DMD: variants seen among roughly 807,000 people sequenced by gnomAD.
DMD encodes the protein mutant dystrophin.
Under a neutral mutation model 330.1 loss-of-function variants are expected in DMD, and 63 were observed. The observed-to-expected ratio is 0.19, with a 90% CI of 0.16 to 0.24. The LOEUF is 0.24. DMD is among the 10% of genes least tolerant of loss of function. DMD has a pLI of 1.00. For missense variants in DMD, 3,344 were observed against 2,684.1 expected (o/e 1.25, Z -5.43); for synonymous variants, 1,223 against 959.8 (o/e 1.27, Z -5.07).
chrX:33,114,766 A>C (rs2095368835), intron 1 of DMD, among the ~76,000 whole-genome samples: 3 of 112,279 alleles, frequency 2.7e-5, no homozygotes, highest in Non-Finnish European at 5.6e-5. Flanking sequence ...TGAAAGTAGA[A>C]TCTGTGCTTC....
intron 61 of DMD, among the ~76,000 whole-genome samples, chrX:31,337,158 C>T (rs1419020518): frequency 1.8e-5 from 2 of 109,729 alleles, no homozygotes; most frequent in Non-Finnish European, 3.8e-5. Flanking sequence ...CTCCTGACCT[C>T]GTGATCCGCC....
At chrX:32,887,375 T>G (rs916093214) in intron 2 of DMD, among the ~76,000 whole-genome samples, 1 of 109,430 alleles carries the variant, frequency 9.1e-6, no homozygotes, top group African/African-American at 3.3e-5. Flanking sequence ...AAAAGAAAAT[T>G]GGACCCTTAT....
chrX:31,223,920 G>A (rs1294498170), intron 63 of DMD, among the ~76,000 whole-genome samples: 2 of 112,291 alleles, frequency 1.8e-5, no homozygotes, highest in Non-Finnish European at 3.8e-5. Flanking sequence ...ATATTCTAAG[G>A]TACAATCATT....
intron 9 of DMD, among the ~76,000 whole-genome samples, chrX:32,689,879 A>G (rs2063147385): frequency 9.0e-6 from 1 of 110,920 alleles, no homozygotes; most frequent in Non-Finnish European, 1.9e-5. Flanking sequence ...TTAAACTCTC[A>G]ACAAACTAGG....
At chrX:32,766,921 A>G (rs888769458) in intron 7 of DMD, among the ~76,000 whole-genome samples, 3 of 111,450 alleles carry the variant, frequency 2.7e-5, no homozygotes, top group Non-Finnish European at 3.8e-5. Context: ...AAAGAGGCAT[A>G]TAAAATTTGC....
At chrX:31,933,357 A>G (rs930348042) in intron 45 of DMD, among the ~76,000 whole-genome samples, 11 of 111,990 alleles carry the variant, frequency 9.8e-5, no homozygotes, top group African/African-American at 3.6e-4. Context: ...GAAAGAGAAA[A>G]ACTGATTTAA....
intron 15 of DMD, among the ~76,000 whole-genome samples, chrX:32,571,843 T>C (rs2052457067): frequency 1.8e-5 from 2 of 110,801 alleles, no homozygotes; most frequent in African/African-American, 6.6e-5. Flanking sequence ...ACAAGTTTCA[T>C]TCATCACATC....
At position 32,438,407 on chromosome X, in the gene DMD, A is replaced by G. The variant is rs1239531993; in HGVS notation, c.3922-17T>C. ...TTCAAGTGACTGAAACACATTTGCA[A>G]TAATTACTATTTCTCCTTTTTTTTC... is the stretch of plus-strand genomic sequence containing the variant. On this transcript the variant is annotated splice_polypyrimidine_tract_variant and intron_variant, in intron 28 of 78. Transcript: ENST00000357033. The G allele has an allele frequency of 2.5e-6, 3 of 1,207,931 alleles. No homozygotes were observed. Among genetic ancestry groups the G allele is most frequent in the South Asian group, 1.8e-5 (1 of 56,850 alleles).
intron 1 of DMD, among the ~76,000 whole-genome samples, chrX:33,329,556 A>G (rs2054139765): frequency 8.9e-6 from 1 of 112,196 alleles, no homozygotes; most frequent in South Asian, 3.7e-4. Context: ...CATTTATATG[A>G]TGGCATACTA....
intron 12 of DMD, among the ~76,000 whole-genome samples, chrX:32,602,042 A>G (rs1165692410): frequency 2.7e-5 from 3 of 112,150 alleles, no homozygotes; most frequent in African/African-American, 6.5e-5. Flanking sequence ...AGAGAATGTG[A>G]TTTTTGAAAA....
At chrX:32,944,561 A>AT (rs765297080) in intron 2 of DMD, among the ~76,000 whole-genome samples, 38 of 106,043 alleles carry the variant, frequency 3.6e-4, no homozygotes, top group African/African-American at 7.2e-4. Context: ...ATATTTTGGG[A>AT]TTTTCTCTTT....
Position 32,212,113 on chromosome X carries a change from G to C in DMD, c.6438+4803C>G, listed in dbSNP as rs150889054. On this transcript the variant is annotated intron_variant, in intron 44 of 78. Transcript: ENST00000357033. The stretch of plus-strand genomic sequence containing the variant: ...CTTCATGGTGTTCAGCTTTTCCTTT[G>C]AAAACTCCCATTAACATTTCTTCTT... 6.3e-3 allele frequency among the ~76,000 whole-genome samples: 702 copies of C among 111,786 alleles called. 7 individuals carry two copies. The highest frequency in any genetic ancestry group is 0.022 in the African/African-American group (664 of 30,803).
At chrX:33,067,333 T>G (rs992770983) in intron 1 of DMD, among the ~76,000 whole-genome samples, 8 of 112,051 alleles carry the variant, frequency 7.1e-5, no homozygotes. Context: ...TTAATAGAAA[T>G]AAATGATTAC....
At chrX:32,206,989 T>C (rs746853431) in intron 44 of DMD, among the ~76,000 whole-genome samples, 31 of 111,443 alleles carry the variant, frequency 2.8e-4, no homozygotes, top group Admixed American at 1.6e-3. Context: ...GTAGCAGTGG[T>C]CAGACATGGA....
At chrX:32,628,242 G>C (rs977756511) in intron 11 of DMD, among the ~76,000 whole-genome samples, 3 of 66,496 alleles carry the variant, frequency 4.5e-5, no homozygotes, top group Non-Finnish European at 7.8e-5. Context: ...CTATCTCCAT[G>C]AGTTCAGTTG....
At chrX:32,819,006 T>TG (rs2077993721) in intron 5 of DMD, among the ~76,000 whole-genome samples, 1 of 19,468 alleles carries the variant, frequency 5.1e-5, no homozygotes, top group East Asian at 1.0e-3. Context: ...TCTACAGGTG[T>TG]TTTTTTTTTT....
At chrX:32,593,532 G>A (rs1303033866) in intron 13 of DMD, among the ~76,000 whole-genome samples, 3 of 111,658 alleles carry the variant, frequency 2.7e-5, no homozygotes, top group Non-Finnish European at 3.8e-5. Flanking sequence ...GAGGGAGACT[G>A]AGATATAGTC....
chrX:31,314,888 G>A lies in DMD; in HGVS notation c.9224+8710C>T, dbSNP rs2055884561. Reference sequence around the variant, plus strand: ...AAGGAAGGAGGGGAAGACTGAATGGGATTTGGAGTTTTCCCACTGAGAAAG... The same window carrying A: ...AAGGAAGGAGGGGAAGACTGAATGGAATTTGGAGTTTTCCCACTGAGAAAG... On this transcript the variant is annotated intron_variant, in intron 62 of 78. Transcript: ENST00000357033. Among the ~76,000 whole-genome samples, 3 of 111,465 alleles carry A rather than the reference G, an allele frequency of 2.7e-5. No homozygotes were observed. The Admixed American group carries it at 2.9e-4, about 11-fold the overall frequency.
At chrX:31,178,517 A>G in intron 70 of DMD, 152 bp downstream of exon 70, 1 of 1,014,829 alleles carries the variant, frequency 9.9e-7, no homozygotes, top group East Asian at 3.4e-5. Context: ...TGGCAACTGG[A>G]CATCAGCTTA....
Sources: gnomAD v4.1 joint callset for allele counts (sites outside exome capture counted in the v4.1 genomes callset) on GRCh38, gnomAD v4.1.1 for gene constraint, MANE v1.5 for transcripts, NCBI Gene and HGNC (gene_info 2026-07-23, HGNC 2026-07-21) for gene names.